INPP5D: variants seen among roughly 807,000 people sequenced by gnomAD.
INPP5D encodes inositol polyphosphate-5-phosphatase D, also known as phosphatidylinositol 3,4,5-trisphosphate 5-phosphatase 1.
A neutral mutation model predicts 122.9 loss-of-function variants in INPP5D; 33 were observed. The ratio of observed to expected loss-of-function variants is 0.27; its 90% confidence interval spans 0.20 to 0.36. The LOEUF is 0.36. INPP5D is among the 10% of genes least tolerant of loss of function. INPP5D has a pLI of 1.00. For missense variants in INPP5D, 1,053 were observed against 1,412.7 expected (o/e 0.75, Z 4.08); for synonymous variants, 584 against 576.2 (o/e 1.01, Z -0.19).
chr2:233,124,925 G>A (rs890026146), intron 3 of INPP5D, among the ~76,000 whole-genome samples: 6 of 152,262 alleles, frequency 3.9e-5, no homozygotes, highest in Non-Finnish European at 7.3e-5. Flanking sequence ...CCGCCAGACC[G>A]TGGAGCTCGA....
chr2:233,091,682 C>T (rs1691997985), intron 2 of INPP5D, among the ~76,000 whole-genome samples: 1 of 152,156 alleles, frequency 6.6e-6, no homozygotes, highest in Admixed American at 6.6e-5. Flanking sequence ...ACCTCGAGGC[C>T]AGCACATGAG....
At chr2:233,131,428 G>T (rs956770639) in intron 5 of INPP5D, among the ~76,000 whole-genome samples, 2 of 152,110 alleles carry the variant, frequency 1.3e-5, no homozygotes, top group Admixed American at 1.3e-4. Context: ...CGGGTGTGGT[G>T]GCTCACGCCT....
intron 9 of INPP5D, 56 bp downstream of exon 9, chr2:233,147,650 C>A (rs1693803590): frequency 1.4e-6 from 1 of 694,932 alleles, no homozygotes; most frequent in South Asian, 1.5e-5. Context: ...GGAATTCCTG[C>A]CCTCTCAGCT....
intron 2 of INPP5D, among the ~76,000 whole-genome samples, chr2:233,094,898 C>A (rs373976168): frequency 6.6e-6 from 1 of 152,186 alleles, no homozygotes; most frequent in East Asian, 1.9e-4. Context: ...TGTCTGGGTG[C>A]AGTGAGGAAT....
intron 8 of INPP5D, among the ~76,000 whole-genome samples, chr2:233,146,883 T>G (rs1370482392): frequency 6.6e-6 from 1 of 152,124 alleles, no homozygotes; most frequent in Non-Finnish European, 1.5e-5. Context: ...CCAGAGATTC[T>G]AGTATATTCA....
chr2:233,110,332 G>C (rs1459909875), intron 2 of INPP5D, among the ~76,000 whole-genome samples: 2 of 151,872 alleles, frequency 1.3e-5, no homozygotes, highest in Non-Finnish European at 2.9e-5. Context: ...TGGGATTACG[G>C]GTGTGAGCCA....
At chr2:233,085,763 A>G (rs996679136) in intron 2 of INPP5D, among the ~76,000 whole-genome samples, 7 of 152,110 alleles carry the variant, frequency 4.6e-5, no homozygotes, top group Non-Finnish European at 7.3e-5. Flanking sequence ...TGTGGCTGCA[A>G]GATCCCTAAT....
At chr2:233,161,047 A>C (rs898964085) in intron 10 of INPP5D, among the ~76,000 whole-genome samples, 2 of 152,146 alleles carry the variant, frequency 1.3e-5, no homozygotes, top group Non-Finnish European at 2.9e-5. Flanking sequence ...ATAGTTCTGG[A>C]TCACACTTGT....
chr2:233,068,002 G>A (rs1691271312), intron 1 of INPP5D, among the ~76,000 whole-genome samples: 1 of 152,128 alleles, frequency 6.6e-6, no homozygotes, highest in African/African-American at 2.4e-5. Flanking sequence ...AAATCATGCT[G>A]GTGCTGGGCA....
intron 2 of INPP5D, among the ~76,000 whole-genome samples, chr2:233,112,698 A>C (rs1179423381): frequency 2.0e-5 from 3 of 152,058 alleles, no homozygotes; most frequent in Non-Finnish European, 4.4e-5. Flanking sequence ...AAAATACCGC[A>C]TCTCACTCTG....
chr2:233,125,675 T>C (rs1232064289), intron 3 of INPP5D, 70 bp from the exon 4 acceptor site: 1 of 1,422,398 alleles, frequency 7.0e-7, no homozygotes, highest in East Asian at 2.4e-5. Flanking sequence ...CTGGACCCCA[T>C]GGGGCTGCGG....
In INPP5D at chr2:233,193,796, C is replaced by T. The variant is rs773649012; in HGVS notation, c.2447-16C>T. 14 of 1,613,724 alleles carry T rather than the reference C, an allele frequency of 8.7e-6. No homozygotes were observed. The highest frequency in any genetic ancestry group is 8.3e-5 in the Admixed American group (5 of 59,998). On this transcript the variant is annotated splice_polypyrimidine_tract_variant and intron_variant, in intron 22 of 26. Transcript: ENST00000445964. ...AGGCAGGGTCTTCACCCAGCTGTCT[C>T]CCACTTTCCCTGCAGGCGAGGGCTG...
chr2:233,199,124 C>T (rs1291706036), intron 25 of INPP5D, among the ~76,000 whole-genome samples: 1 of 151,396 alleles, frequency 6.6e-6, no homozygotes, highest in East Asian at 1.9e-4. Flanking sequence ...GTGGCTCACA[C>T]CTGTAATCCT....
At chr2:233,196,803 T>A (rs1420088347) in intron 24 of INPP5D, among the ~76,000 whole-genome samples, 1 of 151,866 alleles carries the variant, frequency 6.6e-6, no homozygotes, top group African/African-American at 2.4e-5. Context: ...CTCTCCTCCC[T>A]CCCTTCCCCA....
intron 1 of INPP5D, among the ~76,000 whole-genome samples, chr2:233,068,710 G>C (rs942692294): frequency 2.0e-5 from 3 of 152,206 alleles, no homozygotes; most frequent in African/African-American, 7.2e-5. Context: ...GAGGAGAGAA[G>C]AGAATGGGGG....
rs1691404954 is a variant in INPP5D, at chr2:233,072,387, G to A, written c.135-6948G>A. Among the ~76,000 whole-genome samples, 3 of 151,858 alleles carry A rather than the reference G, an allele frequency of 2.0e-5. 1 individual carries two copies. The highest frequency in any genetic ancestry group is 4.4e-5 in the Non-Finnish European group (3 of 67,960). On this transcript the variant is annotated intron_variant, in intron 1 of 26. Coordinates refer to ENST00000445964, the MANE Select transcript of INPP5D (RefSeq NM_001017915.3). ...TGCATGATTACAATGAACTATTCTT[G>A]ATACAATACTTTTTTATTGTACTCT...
intron 2 of INPP5D, among the ~76,000 whole-genome samples, chr2:233,119,222 A>C (rs1327756554): frequency 6.6e-6 from 1 of 152,214 alleles, no homozygotes; most frequent in Non-Finnish European, 1.5e-5. Flanking sequence ...CCTCCAGCCG[A>C]GAATCCTTTT....
At position 233,147,462 on chromosome 2, in the gene INPP5D, T is replaced by A. The variant is rs2106280375; in HGVS notation, c.907-9T>A. The A allele has an allele frequency of 1.4e-6, 1 of 704,184 alleles. No individual in the cohort carries two copies. The highest frequency in any genetic ancestry group is 2.7e-5 in the East Asian group (1 of 37,418). The allele number at this position is 704,184 out of a possible 1,614,324, so 43.6% of individuals were successfully genotyped here. On this transcript the variant is annotated splice_polypyrimidine_tract_variant and intron_variant, in intron 8 of 26. Coordinates refer to ENST00000445964, the MANE Select transcript of INPP5D (RefSeq NM_001017915.3). ...AAATCAATCAGTGACACATCTCTTCTCTTCTAAGGTGAAGGCAGAGTCTCT... is the reference window on the plus strand; with the variant it reads ...AAATCAATCAGTGACACATCTCTTCACTTCTAAGGTGAAGGCAGAGTCTCT...
At chr2:233,191,366 A>G (rs1422934671) in intron 22 of INPP5D, among the ~76,000 whole-genome samples, 2 of 152,204 alleles carry the variant, frequency 1.3e-5, no homozygotes, top group African/African-American at 2.4e-5. Flanking sequence ...GGTCCCTCCA[A>G]TGACACATGG....
Sources: allele counts gnomAD v4.1 joint callset (sites outside exome capture counted in the v4.1 genomes callset), GRCh38; gene constraint gnomAD v4.1.1; transcripts MANE v1.5; gene names NCBI Gene and HGNC (gene_info 2026-07-23, HGNC 2026-07-21).